Variants in CDHR3 observed in about 807,000 individuals in gnomAD.
CDHR3 encodes the protein cadherin-related family member 3.
Under a neutral mutation model 86.6 loss-of-function variants are expected in CDHR3, and 79 were observed. The observed-to-expected ratio is 0.91, with a 90% CI of 0.76 to 1.10. CDHR3 has a LOEUF of 1.10. Ranked by LOEUF, CDHR3 falls within the 50% of genes least tolerant of loss-of-function variation. The pLI is 0.00. For missense variants in CDHR3, 1,081 were observed against 1,077.6 expected (o/e 1.00, Z -0.04); for synonymous variants, 421 against 402.4 (o/e 1.05, Z -0.55).
At chr7:106,012,634 C>T (rs992190336) in intron 8 of CDHR3, among the ~76,000 whole-genome samples, 5 of 152,142 alleles carry the variant, frequency 3.3e-5, no homozygotes, top group African/African-American at 7.2e-5. Context: ...AGAGGAGTGA[C>T]GTGATCTGAC....
At chr7:105,985,082 G>A (rs1219094717) in intron 4 of CDHR3, among the ~76,000 whole-genome samples, 1 of 151,280 alleles carries the variant, frequency 6.6e-6, no homozygotes, top group Non-Finnish European at 1.5e-5. Context: ...AAAAATTAAG[G>A]AGTCCCCAGA....
chr7:105,993,608 G>A (rs771613040), intron 4 of CDHR3, among the ~76,000 whole-genome samples: 28 of 150,746 alleles, frequency 1.9e-4, no homozygotes, highest in Non-Finnish European at 3.4e-4. Flanking sequence ...CCCGGGAGGC[G>A]GAGGCTGCAG....
chr7:106,017,980 C>T lies in CDHR3; in HGVS notation c.1561C>T (p.Leu521Phe), dbSNP rs1457080241. ...TTGGATTAATCCCAAGACAGGAGAACTCCAGCTGGTAACTAAAGTGGACTG... is the reference window on the plus strand; with the variant it reads ...TTGGATTAATCCCAAGACAGGAGAATTCCAGCTGGTAACTAAAGTGGACTG... ...VFWINPKTGE[L>F]QLVTKVDCET... Residue 521 changes from leucine (L) to phenylalanine (F), a missense_variant, in exon 12 of 19, where the codon CTC (leucine) becomes TTC (phenylalanine). Physicochemically the swap from Leu to Phe is conservative, Grantham distance 22. Transcript: ENST00000317716. The T allele has an allele frequency of 7.4e-6, 12 of 1,613,808 alleles. No individual in the cohort carries two copies. Among genetic ancestry groups the T allele is most frequent in the Non-Finnish European group, 1.0e-5 (12 of 1,179,876 alleles).
Position 105,991,754 on chromosome 7 carries a change from A to G in CDHR3, c.514-2997A>G, listed in dbSNP as rs145719753. 6.0e-3 allele frequency among the ~76,000 whole-genome samples: 910 copies of G among 152,348 alleles called. 7 individuals are homozygous for G. Among genetic ancestry groups the G allele is most frequent in the Admixed American group, 8.3e-3 (127 of 15,304 alleles). On this transcript the variant is annotated intron_variant, in intron 4 of 18. Transcript: ENST00000317716. ...AACAAATATTTATTGAGCATCTATT[A>G]TGTGCTAGTCACTAAGGATATAGCA...
At chr7:106,029,432 G>A (rs1001878576) in intron 17 of CDHR3, among the ~76,000 whole-genome samples, 1 of 152,130 alleles carries the variant, frequency 6.6e-6, no homozygotes, top group Non-Finnish European at 1.5e-5. Context: ...CTGTAAAATG[G>A]GGGTGAGGAT....
At chr7:106,022,508 C>A (rs1237126998) in intron 14 of CDHR3, 60 bp downstream of exon 14, 1 of 1,575,048 alleles carries the variant, frequency 6.3e-7, no homozygotes, top group African/African-American at 1.4e-5. Context: ...TGTTGATGGA[C>A]TTCTTTCCCC....
rs372150083 is a variant in CDHR3 at position 106,024,495 on chromosome 7, G to A, written c.2191G>A (p.Val731Ile). Residue 731 changes from valine (V) to isoleucine (I), a missense_variant, in exon 15 of 19, where the codon GTC becomes ATC. By Grantham distance (29) the Val-to-Ile change is conservative. Coordinates refer to ENST00000317716, the MANE Select transcript of CDHR3 (RefSeq NM_152750.5). ...ILLLGLLVYL[V>I]VLLAKAIHRH... ...GCTTCTGGGTCTCCTCGTGTACCTG[G>A]TCGTCCTATTGGCCAAAGCCATCCA... 6.2e-7 allele frequency: 1 copy of A among 1,614,040 alleles called. No homozygotes were observed.
chr7:105,967,960 T>C (rs556982581), intron 1 of CDHR3, among the ~76,000 whole-genome samples: 15 of 152,234 alleles, frequency 9.9e-5, no homozygotes, highest in Non-Finnish European at 1.6e-4. Context: ...TTTAGTTTAA[T>C]TAGAACCGAT....
Position 105,984,195 on chromosome 7 carries a change from TA to T in CDHR3, c.420del (p.His141ThrfsTer4), listed in dbSNP as rs969146910. ...TCCACTTTGGACACTGGTCTAGGTC[TA>T]CACCTCTACATAGTAGAAAGAGCAA... ...PQFQGNLAEG[L>X]HLYIVERANP... On this transcript the variant is annotated frameshift_variant, in exon 4 of 19. Transcript: ENST00000317716. LOFTEE classifies it high-confidence loss of function. 6.3e-7 allele frequency: 1 copy of T among 1,590,488 alleles called. No homozygotes were observed. The highest frequency in any genetic ancestry group is 1.7e-4 in the Middle Eastern group (1 of 5,974).
Position 106,028,532 on chromosome 7 carries a change from C to T in CDHR3, c.2273-19C>T, listed in dbSNP as rs755744866. Reference sequence around the variant, plus strand: ...TACCACCCAAGAAGCTTAACTTCTGCCTGTTCTGTTCTCTGCAGAAACGAA... The same window carrying T: ...TACCACCCAAGAAGCTTAACTTCTGTCTGTTCTGTTCTCTGCAGAAACGAA... On this transcript the variant is annotated intron_variant, in intron 16 of 18. Transcript: ENST00000317716. 9 of 1,613,692 alleles carry T rather than the reference C, an allele frequency of 5.6e-6. No homozygotes were observed. The highest frequency in any genetic ancestry group is 7.6e-6 in the Non-Finnish European group (9 of 1,179,822).
chr7:106,024,639 A>G, intron 15 of CDHR3, 77 bp downstream of exon 15: 1 of 1,434,606 alleles, frequency 7.0e-7, no homozygotes, highest in Non-Finnish European at 9.5e-7. Flanking sequence ...GAGAAGGAAA[A>G]ATGGAGAATC....
chr7:105,966,348 A>G (rs897351902), intron 1 of CDHR3, among the ~76,000 whole-genome samples: 9 of 152,210 alleles, frequency 5.9e-5, no homozygotes, highest in African/African-American at 1.9e-4. Flanking sequence ...GAAGATTCAC[A>G]TGGACATGAA....
At chr7:106,013,801 G>A (rs1415467349) in intron 9 of CDHR3, among the ~76,000 whole-genome samples, 1 of 151,994 alleles carries the variant, frequency 6.6e-6, no homozygotes, top group Non-Finnish European at 1.5e-5. Flanking sequence ...TTTCTGTTTA[G>A]GAAATTAATA....
intron 15 of CDHR3, among the ~76,000 whole-genome samples, chr7:106,026,143 T>C (rs147792580): frequency 2.0e-4 from 31 of 152,332 alleles, no homozygotes; most frequent in African/African-American, 5.5e-4. Context: ...AGTTATACCA[T>C]ATGACAGCCA....
Position 106,030,829 on chromosome 7 carries a change from C to T in CDHR3, c.2342C>T (p.Ala781Val), listed in dbSNP as rs756567797. 29 of 1,610,718 alleles carry T rather than the reference C, an allele frequency of 1.8e-5. No individual in the cohort carries two copies. The highest frequency in any genetic ancestry group is 2.1e-5 in the Non-Finnish European group (25 of 1,178,542). ...IQMNTIFDGE[A>V]IDPVTGETYE... The stretch of plus-strand genomic sequence containing the variant: ...ATGAACACTATCTTTGATGGAGAAG[C>T]CATAGATCCAGGTAATTAAGTGGCA... Residue 781 changes from alanine (A) to valine (V), a missense_variant, in exon 18 of 19, where the codon GCC (alanine) becomes GTC (valine). Transcript: ENST00000317716. This position sits in a 1 kb window ranked among gnomAD's most constrained non-coding sequence, Gnocchi z 4.8.
rs1838570027 is a variant in CDHR3, at chr7:106,032,706, TAAG to T, written c.*10_*12del. On this transcript the variant is annotated 3_prime_UTR_variant, in exon 19 of 19. Coordinates refer to ENST00000317716, the MANE Select transcript of CDHR3 (RefSeq NM_152750.5). ...CACACCCAGGAAAGTAAACGGGGTC[TAAG>T]GAGGGGCCTGTCAATCACTGAGATG... 1 of 1,603,290 alleles carries T rather than the reference TAAG, an allele frequency of 6.2e-7. No individual in the cohort carries two copies.
At chr7:106,008,256 G>A (rs1834242695) in intron 8 of CDHR3, among the ~76,000 whole-genome samples, 1 of 152,100 alleles carries the variant, frequency 6.6e-6, no homozygotes, top group Admixed American at 6.5e-5. Flanking sequence ...GTTGGCCAAT[G>A]GGGAGTCCTG....
chr7:106,016,038 T>C lies in CDHR3; in HGVS notation c.1426+13T>C. 2 of 1,562,182 alleles carry C rather than the reference T, an allele frequency of 1.3e-6. No homozygotes were observed. Among genetic ancestry groups the C allele is most frequent in the Non-Finnish European group, 1.8e-6 (2 of 1,137,828 alleles). ...GAAAGAAGGCCCGGTAAGTAACAGA[T>C]AAGACACAGACCAGAGTGCTGTCAA... On this transcript the variant is annotated intron_variant, in intron 11 of 18. Coordinates refer to ENST00000317716, the MANE Select transcript of CDHR3 (RefSeq NM_152750.5).
At chr7:105,964,380 G>A (rs1826536063) in intron 1 of CDHR3, among the ~76,000 whole-genome samples, 1 of 152,046 alleles carries the variant, frequency 6.6e-6, no homozygotes, top group East Asian at 1.9e-4. Flanking sequence ...TTTTTCAGGT[G>A]ATTCTCATGA....
Sources: gnomAD v4.1 joint callset for allele counts (sites outside exome capture counted in the v4.1 genomes callset) on GRCh38, gnomAD v4.1.1 for gene constraint, Gnocchi (gnomAD v3.1) non-coding constraint, MANE v1.5 for transcripts, NCBI Gene and HGNC (gene_info 2026-07-23, HGNC 2026-07-21) for gene names.